CDC25B: variants seen among roughly 807,000 people sequenced by gnomAD.
CDC25B encodes M-phase inducer phosphatase 2.
In CDC25B, 33 loss-of-function variants were observed where a neutral mutation model predicts 69.8. The ratio of observed to expected loss-of-function variants is 0.47; its 90% CI spans 0.36 to 0.63. The LOEUF (loss-of-function observed/expected upper bound fraction) is 0.63. Among genes scored for constraint, CDC25B ranks in the 30% least tolerant of loss-of-function variants. The pLI is 0.00. For missense variants in CDC25B, 727 were observed against 809.1 expected (o/e 0.90, Z 1.23); for synonymous variants, 341 against 314.6 (o/e 1.08, Z -0.89).
chr20:3,793,703 C>T (rs2088955180), upstream of CDC25B, among the ~76,000 whole-genome samples: 1 of 148,212 alleles, frequency 6.7e-6, no homozygotes, highest in Admixed American at 6.7e-5. Context: ...CACCCATTAA[C>T]TCGTCATTTA....
At chr20:3,801,592 A>G (rs941024578) in intron 8 of CDC25B, 130 bp from the exon 9 acceptor site, 2 of 1,017,688 alleles carry the variant, frequency 2.0e-6, no homozygotes, top group Non-Finnish European at 2.9e-6. Flanking sequence ...TTTGGGAGGT[A>G]GGGGAGCTTC....
At position 3,804,944 on chromosome 20, in the gene CDC25B, C is replaced by A. The variant is rs369357260; in HGVS notation, c.1726C>A (p.Arg576=). ...GERSRRELCS[R]LQDQ ...GCGGAGCCGGCGGGAGCTCTGTAGC[C>A]GGCTGCAGGACCAGTGAGGGGCCTG... Residue 576 remains arginine, a synonymous_variant, in exon 16 of 16, where the codon CGG becomes AGG. Coordinates refer to ENST00000245960, the MANE Select transcript of CDC25B (RefSeq NM_021873.4). The A allele has an allele frequency of 6.2e-7, 1 of 1,612,808 alleles. No homozygotes were observed. The highest frequency in any genetic ancestry group is 1.3e-5 in the African/African-American group (1 of 74,936).
intron 1 of CDC25B, among the ~76,000 whole-genome samples, chr20:3,788,064 G>A (rs1054866126): frequency 2.6e-5 from 4 of 152,042 alleles, no homozygotes; most frequent in African/African-American, 9.7e-5. Flanking sequence ...TTGAGCCTGG[G>A]AGGCAGAGGT....
At chr20:3,801,204 G>C in intron 7 of CDC25B, 50 bp from the exon 8 acceptor site, 1 of 1,604,928 alleles carries the variant, frequency 6.2e-7, no homozygotes, top group Non-Finnish European at 8.5e-7. Flanking sequence ...GAGGATGGGG[G>C]CGGGAACTAT....
intron 1 of CDC25B, among the ~76,000 whole-genome samples, chr20:3,790,548 A>G (rs2088898312): frequency 6.7e-6 from 1 of 149,774 alleles, no homozygotes; most frequent in Non-Finnish European, 1.5e-5. Flanking sequence ...CGGGCTGGGC[A>G]CGGTGGCTCA....
intron 3 of CDC25B, 136 bp downstream of exon 3, chr20:3,798,599 G>A (rs1042946967): frequency 1.8e-6 from 1 of 565,678 alleles, no homozygotes; most frequent in Non-Finnish European, 3.0e-6. Flanking sequence ...CCATGGCCGG[G>A]GGGCTCACTG....
At chr20:3,794,551 C>G (rs1246719817), upstream of CDC25B, among the ~76,000 whole-genome samples, 1 of 151,732 alleles carries the variant, frequency 6.6e-6, no homozygotes, top group Non-Finnish European at 1.5e-5. Context: ...GGTGGCTTTA[C>G]AAGGACACTT....
intron 1 of CDC25B, 83 bp from the exon 2 acceptor site, chr20:3,797,539 C>A: frequency 6.5e-7 from 1 of 1,530,632 alleles, no homozygotes; most frequent in Non-Finnish European, 8.9e-7. Context: ...CTTTTCTCAG[C>A]AAGGGAGTGG....
Position 3,803,152 on chromosome 20 carries a change from G to T in CDC25B, c.1302G>T (p.Lys434Asn). The change falls in exon 13 of 16, where the codon AAG becomes AAT. Residue 434 changes from lysine to asparagine, a missense_variant. Physicochemically the swap from Lys to Asn is moderately conservative, Grantham distance 94. Coordinates refer to ENST00000245960, the MANE Select transcript of CDC25B (RefSeq NM_021873.4). The surrounding 1 kb of genome is among the most constrained non-coding windows in gnomAD (Gnocchi z 4.9). ...GCAAGTTCAGCAACATCGTGGATAA[G>T]TTTGTGATTGTAGACTGCAGATACC... The part of the protein sequence containing the change: ...LTGKFSNIVD[K>N]FVIVDCRYPY... 1 of 1,614,102 alleles carries T rather than the reference G, an allele frequency of 6.2e-7. No individual in the cohort carries two copies. Among genetic ancestry groups the T allele is most frequent in the Non-Finnish European group, 8.5e-7 (1 of 1,179,980 alleles).
Position 3,796,547 on chromosome 20 carries a change from C to A in CDC25B, c.16C>A (p.Pro6Thr). 6.7e-7 allele frequency: 1 copy of A among 1,481,560 alleles called. No homozygotes were observed. The allele number at this position is 1,481,560 out of a possible 1,614,324, so 91.8% of individuals were successfully genotyped here. ...CCCCGCCGCGATGGAGGTGCCCCAG[C>A]CGGAGCCCGCGCCAGGCTCGGCTCT... is the stretch of plus-strand genomic sequence containing the variant. The part of the protein sequence containing the change: MEVPQ[P>T]EPAPGSALSP... Residue 6 changes from proline (P) to threonine (T), a missense_variant, in exon 1 of 16, where the codon CCG becomes ACG. Pro to Thr is a conservative substitution (Grantham distance 38). This residue lies in a region of CDC25B where 368 missense variants were observed against 345.6 expected (regional missense o/e 1.06). Transcript: ENST00000245960.
At chr20:3,801,226 A>AG in intron 7 of CDC25B, 28 bp from the exon 8 acceptor site, 2 of 1,611,254 alleles carry the variant, frequency 1.2e-6, no homozygotes, top group Non-Finnish European at 1.7e-6. Context: ...TCCACCTCTA[A>AG]GTCTGTGTCT....
At position 3,802,896 on chromosome 20, in the gene CDC25B, TC is replaced by T; in HGVS notation, c.1195-12del. The T allele has an allele frequency of 6.2e-7, 1 of 1,610,024 alleles. No homozygotes were observed. Among genetic ancestry groups the T allele is most frequent in the Non-Finnish European group, 8.5e-7 (1 of 1,176,244 alleles). On this transcript the variant is annotated splice_polypyrimidine_tract_variant and intron_variant, in intron 11 of 15. Transcript: ENST00000245960. ...ACTTTCTCCCCTCTCCCTCATCCCTTCCGTTCCCTTCAGGCCTTCCTCCTAC... is the reference window on the plus strand; with the variant it reads ...ACTTTCTCCCCTCTCCCTCATCCCTTCGTTCCCTTCAGGCCTTCCTCCTAC...
chr20:3,800,453 C>T lies in CDC25B; in HGVS notation c.423-9C>T, dbSNP rs763680599. ...CCCAGCTCTCACCTGTCCCCATTTC[C>T]TCCTGTAGCGAGCAGTTTGCCATCA... On this transcript the variant is annotated splice_polypyrimidine_tract_variant and intron_variant, in intron 4 of 15. Coordinates refer to ENST00000245960, the MANE Select transcript of CDC25B (RefSeq NM_021873.4). The T allele has an allele frequency of 6.2e-7, 1 of 1,614,198 alleles. No individual in the cohort carries two copies. The highest frequency in any genetic ancestry group is 1.7e-5 in the Admixed American group (1 of 60,022).
intron 1 of CDC25B, 139 bp from the exon 2 acceptor site, chr20:3,797,483 G>T (rs1364190894): frequency 1.9e-6 from 2 of 1,079,972 alleles, no homozygotes; most frequent in Admixed American, 2.3e-5. Flanking sequence ...TGAGAAGAGG[G>T]GGCCCTCAGG....
chr20:3,801,646 C>A, intron 8 of CDC25B, 76 bp from the exon 9 acceptor site: 3 of 1,271,346 alleles, frequency 2.4e-6, no homozygotes, highest in Non-Finnish European at 3.3e-6. Context: ...GAAGGCTGTG[C>A]TGGAGGATTC....
At position 3,804,558 on chromosome 20, in the gene CDC25B, T is replaced by C. The variant is rs757550911; in HGVS notation, c.1491-11T>C. 6.3e-7 allele frequency: 1 copy of C among 1,593,366 alleles called. No individual in the cohort carries two copies. The highest frequency in any genetic ancestry group is 8.6e-7 in the Non-Finnish European group (1 of 1,161,228). On this transcript the variant is annotated splice_polypyrimidine_tract_variant and intron_variant, in intron 14 of 15. Coordinates refer to ENST00000245960, the MANE Select transcript of CDC25B (RefSeq NM_021873.4). ...CCCCACTCTGACCACACCCTGCCCA[T>C]GACGCCCCAGGTGCCGTTTCATCAG...
Position 3,803,371 on chromosome 20 carries a change from G to C in CDC25B, c.1357-33G>C, listed in dbSNP as rs772585607. Reference sequence around the variant, plus strand: ...GGGGAGGGCCCTGACTCCTGGACCCGGGGCTGTGCCTGACCTCTGGCTCCT... The same window carrying C: ...GGGGAGGGCCCTGACTCCTGGACCCCGGGCTGTGCCTGACCTCTGGCTCCT... On this transcript the variant is annotated intron_variant, in intron 13 of 15. Transcript: ENST00000245960. The surrounding 1 kb of genome is among the most constrained non-coding windows in gnomAD (Gnocchi z 4.9). 1.2e-6 allele frequency: 2 copies of C among 1,613,666 alleles called. No homozygotes were observed. Among genetic ancestry groups the C allele is most frequent in the African/African-American group, 2.7e-5 (2 of 74,872 alleles).
intron 4 of CDC25B, 52 bp downstream of exon 4, chr20:3,800,381 G>C (rs1417128000): frequency 2.5e-6 from 4 of 1,612,278 alleles, no homozygotes; most frequent in Non-Finnish European, 3.4e-6. Context: ...CTTAGGACAG[G>C]GCTCCAGAAG....
Position 3,805,194 on chromosome 20 carries a change from T to C in CDC25B, c.*233T>C. 3.5e-6 allele frequency: 2 copies of C among 568,636 alleles called. No individual in the cohort carries two copies. The highest frequency in any genetic ancestry group is 4.7e-4 in the Middle Eastern group (1 of 2,148). The allele number at this position is 568,636 out of a possible 1,614,324, so 35.2% of individuals were successfully genotyped here. ...AGCCCAGTCTGTTGAGTTAGTTAAGTTGGGTTAATACCAGCTTAAAGGCAG... is the reference window on the plus strand; with the variant it reads ...AGCCCAGTCTGTTGAGTTAGTTAAGCTGGGTTAATACCAGCTTAAAGGCAG... On this transcript the variant is annotated 3_prime_UTR_variant, in exon 16 of 16. Coordinates refer to ENST00000245960, the MANE Select transcript of CDC25B (RefSeq NM_021873.4).
Sources: gnomAD v4.1 joint callset for allele counts (sites outside exome capture counted in the v4.1 genomes callset) on GRCh38, gnomAD v4.1.1 for gene constraint, gnomAD v4.1.1 regional missense constraint, Gnocchi (gnomAD v3.1) non-coding constraint, MANE v1.5 for transcripts, NCBI Gene and HGNC (gene_info 2026-07-23, HGNC 2026-07-21) for gene names.